CNTN4: variants seen among roughly 807,000 people sequenced by gnomAD.
The protein encoded by CNTN4 is contactin 4.
Under a neutral mutation model 122.5 loss-of-function variants are expected in CNTN4, and 77 were observed. That is an observed-to-expected ratio of 0.63 (90% CI 0.52 to 0.76). The LOEUF is 0.76. Ranked by LOEUF, CNTN4 falls within the 30% of genes least tolerant of loss-of-function variation. CNTN4 has a pLI of 0.00. For missense variants in CNTN4, 1,256 were observed against 1,259.1 expected, an observed-to-expected ratio of 1.00 and a Z score of 0.04; for synonymous variants, 512 against 447.0, an observed-to-expected ratio of 1.15 and a Z score of -1.83.
chr3:2,618,947 C>G (rs2081887125), intron 4 of CNTN4, among the ~76,000 whole-genome samples: 1 of 152,152 alleles, frequency 6.6e-6, no homozygotes, highest in African/African-American at 2.4e-5. Flanking sequence ...ATTGCAGAGA[C>G]TGGGAAATTA....
chr3:2,769,215 G>C lies in CNTN4; in HGVS notation c.358+23518G>C, dbSNP rs183284648. 1.6e-3 allele frequency among the ~76,000 whole-genome samples: 247 copies of C among 152,242 alleles called. 1 individual carries two copies. Among genetic ancestry groups the C allele is most frequent in the African/African-American group, 5.7e-3 (235 of 41,538 alleles). ...ACGGTGGCTCACACGTGTAATCCCA[G>C]CACTTTGGGAGGCCGAGGCGGGCAG... On this transcript the variant is annotated intron_variant, in intron 6 of 24. Transcript: ENST00000418658.
intron 8 of CNTN4, among the ~76,000 whole-genome samples, chr3:2,878,580 TG>T: frequency 6.6e-6 from 1 of 151,898 alleles, no homozygotes. Flanking sequence ...TGTGTGTGTG[TG>T]TGTGTGTGTC....
At chr3:3,035,591 C>CT (rs1288261253) in intron 17 of CNTN4, among the ~76,000 whole-genome samples, 4 of 152,146 alleles carry the variant, frequency 2.6e-5, no homozygotes, top group African/African-American at 9.7e-5. Flanking sequence ...GGGTCTCACT[C>CT]TGTCACCCAG....
intron 4 of CNTN4, among the ~76,000 whole-genome samples, chr3:2,606,295 T>C (rs1446019172): frequency 6.6e-6 from 1 of 151,978 alleles, no homozygotes; most frequent in African/African-American, 2.4e-5. Context: ...AATTTGTCTT[T>C]GACACAGGGA....
chr3:2,996,787 T>A lies in CNTN4; in HGVS notation c.1486+8315T>A, dbSNP rs533001710. Reference sequence around the variant, plus strand: ...TCATAGGCCATACTAATTGCCTCATTTCAGCTGTTTTATAATCAGTATGAT... The same window carrying A: ...TCATAGGCCATACTAATTGCCTCATATCAGCTGTTTTATAATCAGTATGAT... On this transcript the variant is annotated intron_variant, in intron 14 of 24. Transcript: ENST00000418658. Among the ~76,000 whole-genome samples, 5 of 152,334 alleles carry A rather than the reference T, an allele frequency of 3.3e-5. No homozygotes were observed. The South Asian group carries it at 1.0e-3, about 32-fold the overall frequency.
At chr3:2,928,165 A>G (rs1369713452) in intron 13 of CNTN4, among the ~76,000 whole-genome samples, 1 of 152,184 alleles carries the variant, frequency 6.6e-6, no homozygotes, top group Non-Finnish European at 1.5e-5. Context: ...TTGAGCTTCC[A>G]TTTTTTAAAT....
At position 2,170,215 on chromosome 3, in the gene CNTN4, G is replaced by A. The variant is rs376839885; in HGVS notation, c.-145+69576G>A. ...GGCGCCTGTAGTCCCAGCTACTCGG[G>A]AGGCTGAGGCGGGAGAATGGCGGGA... On this transcript the variant is annotated intron_variant, in intron 2 of 24. Coordinates refer to ENST00000418658, the MANE Select transcript of CNTN4 (RefSeq NM_175607.3). Among the ~76,000 whole-genome samples, 1,170 of 151,864 alleles carry A rather than the reference G, an allele frequency of 7.7e-3. 12 individuals carry two copies. Among genetic ancestry groups the A allele is most frequent in the African/African-American group, 0.027 (1,120 of 41,376 alleles).
chr3:2,225,522 A>C (rs1473023485), intron 2 of CNTN4, among the ~76,000 whole-genome samples: 1 of 152,104 alleles, frequency 6.6e-6, no homozygotes, highest in Non-Finnish European at 1.5e-5. Context: ...TCAAAAAACA[A>C]ACAAACAAAA....
chr3:2,917,162 G>A lies in CNTN4; in HGVS notation c.1208-8467G>A, dbSNP rs144815219. Among the ~76,000 whole-genome samples the A allele has an allele frequency of 9.1e-5, 13 of 142,892 alleles. 1 individual carries two copies. The highest frequency in any genetic ancestry group is 3.3e-4 in the African/African-American group (12 of 36,186). 93.7% of individuals were successfully genotyped at this position (142,892 alleles called of 152,430 possible). On this transcript the variant is annotated intron_variant, in intron 12 of 24. Transcript: ENST00000418658. The stretch of plus-strand genomic sequence containing the variant: ...CAAAAAATATAAAAACCAGTCAGGC[G>A]TGGCGGCGCGCGCCTGCAATCGCAG...
chr3:2,804,737 C>CTTTAGTTTTTTT (rs1553643947), intron 6 of CNTN4, among the ~76,000 whole-genome samples: 2 of 144,968 alleles, frequency 1.4e-5, no homozygotes, highest in Admixed American at 6.9e-5. Context: ...ATTTTGAGCA[C>CTTTAGTTTTTTT]TTTTTTTTTG....
chr3:2,820,961 C>CTTTTTTT (rs67731967), intron 7 of CNTN4, among the ~76,000 whole-genome samples: 3,725 of 107,352 alleles, frequency 0.035, 218 homozygotes, highest in Non-Finnish European at 0.052. Flanking sequence ...TTTTCTCTTT[C>CTTTTTTT]TTTTTTTTTT....
intron 2 of CNTN4, among the ~76,000 whole-genome samples, chr3:2,228,167 C>T (rs904048454): frequency 6.6e-6 from 1 of 151,908 alleles, no homozygotes; most frequent in Non-Finnish European, 1.5e-5. Context: ...AATTTATATA[C>T]ATTTTGATCA....
intron 3 of CNTN4, among the ~76,000 whole-genome samples, chr3:2,550,123 A>G (rs974261259): frequency 1.3e-5 from 2 of 151,944 alleles, no homozygotes; most frequent in Non-Finnish European, 2.9e-5. Context: ...TAGTTTATCT[A>G]TTTTGTCAAT....
At position 2,291,482 on chromosome 3, in the gene CNTN4, T is replaced by C. The variant is rs182351818; in HGVS notation, c.-144-47696T>C. On this transcript the variant is annotated intron_variant, in intron 2 of 24. Coordinates refer to ENST00000418658, the MANE Select transcript of CNTN4 (RefSeq NM_175607.3). ...TTAGATATTTGAAGAAAATAAAGTA[T>C]GTTAAAAGAACTCAAAATAAATTTT... is the stretch of plus-strand genomic sequence containing the variant. Among the ~76,000 whole-genome samples, 210 of 152,302 alleles carry C rather than the reference T, an allele frequency of 1.4e-3. 2 individuals are homozygous for C. The highest frequency in any genetic ancestry group is 1.2e-3 in the East Asian group (6 of 5,186).
At chr3:2,177,561 C>T (rs2036807423) in intron 2 of CNTN4, among the ~76,000 whole-genome samples, 1 of 151,780 alleles carries the variant, frequency 6.6e-6, no homozygotes, top group Non-Finnish European at 1.5e-5. Context: ...AGTCATTTTC[C>T]TTTGCACTTG....
intron 13 of CNTN4, chr3:2,927,378 G>A (rs1319340907): frequency 2.2e-6 from 1 of 451,036 alleles, no homozygotes; most frequent in Admixed American, 2.4e-5. Flanking sequence ...CGTTGCCATT[G>A]CAGAAGGAAA....
intron 3 of CNTN4, among the ~76,000 whole-genome samples, chr3:2,365,814 A>G (rs942938062): frequency 6.6e-6 from 1 of 152,240 alleles, no homozygotes; most frequent in Non-Finnish European, 1.5e-5. Context: ...GACCTATTTC[A>G]ATGCTAGGAA....
At chr3:2,577,572 A>G (rs984035517) in intron 4 of CNTN4, among the ~76,000 whole-genome samples, 1 of 152,196 alleles carries the variant, frequency 6.6e-6, no homozygotes, top group Non-Finnish European at 1.5e-5. Flanking sequence ...GTCCTGTTCA[A>G]TTCCAGTAAT....
At chr3:2,638,194 A>T (rs1309944059) in intron 4 of CNTN4, among the ~76,000 whole-genome samples, 1 of 152,222 alleles carries the variant, frequency 6.6e-6, no homozygotes, top group Non-Finnish European at 1.5e-5. Context: ...GCCCATTCTC[A>T]CATGGCTTCA....
Sources: gnomAD v4.1 joint callset for allele counts (sites outside exome capture counted in the v4.1 genomes callset) on GRCh38, gnomAD v4.1.1 for gene constraint, MANE v1.5 for transcripts, NCBI Gene and HGNC (gene_info 2026-07-23, HGNC 2026-07-21) for gene names.